PCDHA10: variants seen among roughly 807,000 people sequenced by gnomAD.
PCDHA10 encodes protocadherin alpha 10.
Under a neutral mutation model 61.2 loss-of-function variants are expected in PCDHA10, and 45 were observed. That is an observed-to-expected ratio of 0.74 (90% CI 0.58 to 0.94). The LOEUF (loss-of-function observed/expected upper bound fraction) is 0.94. Ranked by LOEUF, PCDHA10 falls within the 40% of genes least tolerant of loss-of-function variation. PCDHA10 has a pLI of 0.00. For synonymous variants in PCDHA10, 602 were observed against 548.8 expected (o/e 1.10, Z -1.35); for missense variants, 1,278 against 1,236.2 (o/e 1.03, Z -0.51).
Position 140,903,378 on chromosome 5 carries a change from G to T in PCDHA10, c.2388+44942G>T, listed in dbSNP as rs938741904. Among the ~76,000 whole-genome samples, 3 of 152,196 alleles carry T rather than the reference G, an allele frequency of 2.0e-5. No homozygotes were observed. In the South Asian group the frequency reaches 6.2e-4, roughly 32 times the overall value. On this transcript the variant is annotated intron_variant, in intron 1 of 3. Coordinates refer to ENST00000307360, the MANE Select transcript of PCDHA10 (RefSeq NM_018901.4). Reference sequence around the variant, plus strand: ...GTTTTTCAAAAATATAGGGAGGATTGTGGTTACTTCTAGAAACAGTAGTGC... The same window carrying T: ...GTTTTTCAAAAATATAGGGAGGATTTTGGTTACTTCTAGAAACAGTAGTGC...
At chr5:140,909,632 A>G (rs781948813) in intron 1 of PCDHA10, among the ~76,000 whole-genome samples, 3 of 152,038 alleles carry the variant, frequency 2.0e-5, no homozygotes, top group South Asian at 2.1e-4. Flanking sequence ...TGGTCTTCCT[A>G]TTTTGTCTTT....
At chr5:140,876,947 A>G in intron 1 of PCDHA10, 5 of 1,613,496 alleles carry the variant, frequency 3.1e-6, no homozygotes, top group South Asian at 1.1e-5. Flanking sequence ...CTGGTGTCCT[A>G]CTCGCTGGTG....
At chr5:140,948,253 A>C (rs782144804) in intron 1 of PCDHA10, among the ~76,000 whole-genome samples, 14 of 151,624 alleles carry the variant, frequency 9.2e-5, no homozygotes, top group Admixed American at 2.6e-4. Flanking sequence ...ATATTTTTAC[A>C]TCTGTGTTCA....
At chr5:140,941,255 C>CTTTCTTTCTTTCTTTCTTTCTTTCTTTT (rs782490896) in intron 1 of PCDHA10, among the ~76,000 whole-genome samples, 1 of 44,508 alleles carries the variant, frequency 2.2e-5, no homozygotes, top group Non-Finnish European at 5.1e-5. Flanking sequence ...TTCTTTCTTT[C>CTTTCTTTCTTTCTTTCTTTCTTTCTTTT]TCTTTCTTTC....
At chr5:140,936,311 T>C (rs1451314089) in intron 1 of PCDHA10, among the ~76,000 whole-genome samples, 1 of 152,228 alleles carries the variant, frequency 6.6e-6, no homozygotes, top group African/African-American at 2.4e-5. Flanking sequence ...AATAGAACTT[T>C]CTGACATGCT....
intron 1 of PCDHA10, chr5:140,969,209 A>G (rs1586360550): frequency 1.2e-6 from 2 of 1,614,194 alleles, no homozygotes; most frequent in Non-Finnish European, 1.7e-6. Context: ...AGGGGCCCAG[A>G]CAGGACCAGG....
intron 1 of PCDHA10, among the ~76,000 whole-genome samples, chr5:140,874,496 T>G (rs1352627184): frequency 3.9e-5 from 6 of 152,214 alleles, no homozygotes; most frequent in African/African-American, 1.4e-4. Context: ...TGATATCAAG[T>G]TCACATTCTC....
intron 1 of PCDHA10, chr5:140,869,581 GC>G: frequency 6.2e-7 from 1 of 1,614,134 alleles, no homozygotes; most frequent in Non-Finnish European, 8.5e-7. Flanking sequence ...AGCTTCTGAT[GC>G]TGACATTGAA....
intron 1 of PCDHA10, among the ~76,000 whole-genome samples, chr5:140,937,708 C>G (rs535447052): frequency 6.6e-6 from 1 of 151,944 alleles, no homozygotes; most frequent in South Asian, 2.1e-4. Flanking sequence ...GTCAGGAGAT[C>G]AAGACCATCC....
chr5:140,882,513 G>A (rs2059164592), intron 1 of PCDHA10: 3 of 1,614,072 alleles, frequency 1.9e-6, no homozygotes, highest in Admixed American at 3.3e-5. Context: ...CTGCAGAATG[G>A]CATTTTGTTT....
chr5:140,938,124 A>G (rs2091929948), intron 1 of PCDHA10, among the ~76,000 whole-genome samples: 1 of 152,076 alleles, frequency 6.6e-6, no homozygotes, highest in South Asian at 2.1e-4. Flanking sequence ...TTTTTTTAAA[A>G]AAATAGAGAT....
intron 1 of PCDHA10, chr5:140,863,701 A>G (rs782228120): frequency 3.1e-5 from 9 of 294,760 alleles, no homozygotes; most frequent in Non-Finnish European, 6.0e-5. Context: ...TGCTTTATTT[A>G]AAGTACACTG....
intron 1 of PCDHA10, chr5:140,877,218 G>T: frequency 1.2e-6 from 2 of 1,613,726 alleles, no homozygotes; most frequent in South Asian, 1.1e-5. Context: ...AGTTGGTACC[G>T]CGGTCGGTGG....
intron 3 of PCDHA10, among the ~76,000 whole-genome samples, chr5:140,992,294 G>C (rs2097504138): frequency 1.3e-5 from 2 of 152,190 alleles, no homozygotes; most frequent in African/African-American, 4.8e-5. Context: ...CAAAGGATGG[G>C]AGTATTGTTT....
At chr5:140,978,907 G>A (rs782602741) in intron 1 of PCDHA10, 42 bp from the exon 2 acceptor site, 3 of 1,613,766 alleles carry the variant, frequency 1.9e-6, no homozygotes, top group South Asian at 2.2e-5. Context: ...GGAGAACATT[G>A]TCTTGTCATT....
At position 140,883,299 on chromosome 5, in the gene PCDHA10, A is replaced by G. The variant is rs200799645; in HGVS notation, c.2388+24863A>G. 1.4e-5 allele frequency: 22 copies of G among 1,614,110 alleles called. No homozygotes were observed. In the African/African-American group the frequency reaches 2.9e-4, roughly 22 times the overall value. On this transcript the variant is annotated intron_variant, in intron 1 of 3. Coordinates refer to ENST00000307360, the MANE Select transcript of PCDHA10 (RefSeq NM_018901.4). ...CTTTTGGTGGAAGTACTAGATGTAA[A>G]TGATAACGCCCCAGAGGTTACCATC...
At chr5:140,878,731 A>G (rs1037542413) in intron 1 of PCDHA10, among the ~76,000 whole-genome samples, 3 of 152,370 alleles carry the variant, frequency 2.0e-5, no homozygotes, top group South Asian at 4.1e-4. Flanking sequence ...TTCCAGCCTT[A>G]TATCTACTTT....
At position 140,856,829 on chromosome 5, in the gene PCDHA10, A is replaced by G. The variant is rs781823533; in HGVS notation, c.781A>G (p.Ile261Val). The G allele has an allele frequency of 3.4e-5, 54 of 1,592,340 alleles. 7 individuals are homozygous for G. The highest frequency in any genetic ancestry group is 4.6e-5 in the Non-Finnish European group (54 of 1,162,524). ...AAATCAAGTGAACCAAACATTAGTA[A>G]TACGGCTCAACGCTTCTGATTCGGA... Reference protein sequence around the residue: ...YENQVNQTLVIRLNASDSDEG... With the variant: ...YENQVNQTLVVRLNASDSDEG... Residue 261 changes from isoleucine (I) to valine (V), a missense_variant, in exon 1 of 4, where the codon ATA (isoleucine) becomes GTA (valine). Ile to Val is a conservative substitution (Grantham distance 29). Coordinates refer to ENST00000307360, the MANE Select transcript of PCDHA10 (RefSeq NM_018901.4).
intron 1 of PCDHA10, chr5:140,870,911 A>C (rs782609021): frequency 6.2e-7 from 1 of 1,613,910 alleles, no homozygotes; most frequent in Non-Finnish European, 8.5e-7. Context: ...TCAGGCTACA[A>C]CGCGTGGCTT....
Sources: gnomAD v4.1 joint callset for allele counts (sites outside exome capture counted in the v4.1 genomes callset) on GRCh38, gnomAD v4.1.1 for gene constraint, MANE v1.5 for transcripts, NCBI Gene and HGNC (gene_info 2026-07-23, HGNC 2026-07-21) for gene names.